The following WWOX variants were observed in gnomAD, a reference collection of about 807,000 sequenced individuals.
The protein encoded by WWOX is WW domain containing oxidoreductase, also known as WW domain-containing oxidoreductase.
Under a neutral mutation model 46.2 loss-of-function variants are expected in WWOX, and 69 were observed. That is an observed-to-expected ratio of 1.49 (90% CI 1.23 to 1.82). The LOEUF (loss-of-function observed/expected upper bound fraction) is 1.82, where lower values mean the gene tolerates loss of function less well. Among genes scored for constraint, WWOX ranks in the 40% most tolerant of loss-of-function variants. The pLI, the probability that WWOX is intolerant of heterozygous loss-of-function variation, is 0.00. For missense variants in WWOX, 919 were observed against 542.6 expected, an observed-to-expected ratio of 1.69 and a Z score of -6.89; for synonymous variants, 359 against 202.6, an observed-to-expected ratio of 1.77 and a Z score of -6.56.
intron 8 of WWOX, among the ~76,000 whole-genome samples, chr16:78,642,652 T>A (rs977036311): frequency 6.6e-6 from 1 of 152,068 alleles, no homozygotes; most frequent in African/African-American, 2.4e-5. Context: ...AAGACTCCCT[T>A]TCATGTTTCC....
intron 8 of WWOX, among the ~76,000 whole-genome samples, chr16:78,719,065 G>C (rs141836355): frequency 5.9e-5 from 9 of 152,296 alleles, no homozygotes; most frequent in African/African-American, 2.2e-4. Context: ...CAGAGCTAAA[G>C]GGTATTGGTG....
chr16:78,100,335 C>T (rs553217470), intron 1 of WWOX: 5 of 779,720 alleles, frequency 6.4e-6, no homozygotes, highest in Admixed American at 6.2e-5. Context: ...CCACTGTAGC[C>T]TCTACCTACT....
chr16:79,196,278 T>G (rs1453965335), intron 8 of WWOX: 1 of 152,240 alleles, frequency 6.6e-6, no homozygotes, highest in Non-Finnish European at 1.5e-5. Flanking sequence ...ATATACAAAT[T>G]ACTTGTCATA....
intron 8 of WWOX, among the ~76,000 whole-genome samples, chr16:78,739,608 C>T (rs112665564): frequency 1.2e-4 from 19 of 152,206 alleles, no homozygotes; most frequent in African/African-American, 4.1e-4. Context: ...GTTAGGAGTT[C>T]AAGACCAGCC....
intron 8 of WWOX, among the ~76,000 whole-genome samples, chr16:78,843,843 G>T (rs540018161): frequency 7.2e-4 from 109 of 152,262 alleles, no homozygotes; most frequent in Non-Finnish European, 1.2e-3. Flanking sequence ...TATTTTTAGA[G>T]GTTGGCTCAT....
intron 8 of WWOX, among the ~76,000 whole-genome samples, chr16:78,963,887 G>A (rs1367034722): frequency 6.6e-6 from 1 of 152,134 alleles, no homozygotes; most frequent in Non-Finnish European, 1.5e-5. Flanking sequence ...TGAATCATGG[G>A]GGCTGGTGTT....
chr16:78,451,168 C>T (rs1028848533), intron 8 of WWOX, among the ~76,000 whole-genome samples: 1 of 152,086 alleles, frequency 6.6e-6, no homozygotes, highest in African/African-American at 2.4e-5. Flanking sequence ...TCATCCAAAG[C>T]CATTTTTTTT....
chr16:78,811,483 C>T (rs551776412), intron 8 of WWOX, among the ~76,000 whole-genome samples: 1 of 151,440 alleles, frequency 6.6e-6, no homozygotes, highest in South Asian at 2.1e-4. Context: ...TGTCCTTTCT[C>T]TCTCCCTCCC....
At chr16:78,728,972 A>G (rs1462711737) in intron 8 of WWOX, among the ~76,000 whole-genome samples, 1 of 152,120 alleles carries the variant, frequency 6.6e-6, no homozygotes, top group Non-Finnish European at 1.5e-5. Context: ...CCTAAGTGAG[A>G]AACGTTGGCT....
intron 8 of WWOX, among the ~76,000 whole-genome samples, chr16:78,860,884 T>A (rs191825508): frequency 1.4e-3 from 209 of 152,302 alleles, no homozygotes; most frequent in Middle Eastern, 3.4e-3. Flanking sequence ...TCACCCAGGC[T>A]AGAGTGCAGT....
chr16:78,483,565 G>T (rs536332128), intron 8 of WWOX, among the ~76,000 whole-genome samples: 45 of 152,014 alleles, frequency 3.0e-4, no homozygotes, highest in Middle Eastern at 3.4e-3. Context: ...CAGTGGTGCT[G>T]TACGCAGACT....
At chr16:78,543,661 A>G (rs150609496) in intron 8 of WWOX, among the ~76,000 whole-genome samples, 1 of 152,162 alleles carries the variant, frequency 6.6e-6, no homozygotes, top group Admixed American at 6.5e-5. Context: ...CCTCAGTTGT[A>G]ATGGAGGCAT....
chr16:78,522,471 T>G (rs998558363), intron 8 of WWOX, among the ~76,000 whole-genome samples: 1 of 152,196 alleles, frequency 6.6e-6, no homozygotes, highest in Non-Finnish European at 1.5e-5. Context: ...CTGCAGTCTC[T>G]TCCTCTGTCT....
chr16:78,781,142 G>A (rs1214541085), intron 8 of WWOX, among the ~76,000 whole-genome samples: 1 of 152,192 alleles, frequency 6.6e-6, no homozygotes, highest in Admixed American at 6.5e-5. Flanking sequence ...TCAAGACAGG[G>A]AAATGATGAC....
At chr16:78,205,434 A>G (rs545064377) in intron 5 of WWOX, among the ~76,000 whole-genome samples, 1 of 151,984 alleles carries the variant, frequency 6.6e-6, no homozygotes, top group African/African-American at 2.4e-5. Flanking sequence ...CCACACAACC[A>G]CTTATTCTTC....
intron 8 of WWOX, among the ~76,000 whole-genome samples, chr16:78,833,893 T>C (rs902261995): frequency 4.6e-5 from 7 of 152,262 alleles, no homozygotes; most frequent in African/African-American, 1.7e-4. Context: ...TACAGGCACT[T>C]TGTCTCCCAG....
At chr16:78,543,413 G>A (rs1205262546) in intron 8 of WWOX, among the ~76,000 whole-genome samples, 1 of 152,218 alleles carries the variant, frequency 6.6e-6, no homozygotes, top group Non-Finnish European at 1.5e-5. Context: ...CATACAGCGA[G>A]AAGGATTAAG....
At chr16:78,605,003 T>G (rs1369476228) in intron 8 of WWOX, among the ~76,000 whole-genome samples, 2 of 119,902 alleles carry the variant, frequency 1.7e-5, no homozygotes, top group Non-Finnish European at 3.4e-5. Flanking sequence ...ACTCCCTCCT[T>G]CCCTTTTTCC....
chr16:78,232,864 A>G (rs1413207289), intron 5 of WWOX, among the ~76,000 whole-genome samples: 2 of 129,738 alleles, frequency 1.5e-5, no homozygotes, highest in Non-Finnish European at 3.4e-5. Context: ...TTTTTTTAAG[A>G]TGGAGTCTCG....
Sources: gnomAD v4.1 joint callset for allele counts (sites outside exome capture counted in the v4.1 genomes callset) on GRCh38, gnomAD v4.1.1 for gene constraint, MANE v1.5 for transcripts, NCBI Gene and HGNC (gene_info 2026-07-23, HGNC 2026-07-21) for gene names.